Variants in NTRK3 observed in about 807,000 individuals in gnomAD.
The protein encoded by NTRK3 is NT-3 growth factor receptor.
A neutral mutation model predicts 91.7 loss-of-function variants in NTRK3; 24 were observed. The observed-to-expected ratio is 0.26, with a 90% CI of 0.19 to 0.37. The LOEUF is 0.37. Ranked by LOEUF, NTRK3 falls within the 10% of genes least tolerant of loss-of-function variation. The probability of loss-of-function intolerance (pLI) is 1.00; values close to 1 mark genes in which losing one functional copy is unlikely to be tolerated. For missense variants in NTRK3, 880 were observed against 1,068.9 expected (o/e 0.82, Z 2.46); for synonymous variants, 483 against 404.0 (o/e 1.20, Z -2.34).
intron 10 of NTRK3, among the ~76,000 whole-genome samples, chr15:88,134,579 T>C (rs2041692533): frequency 6.6e-6 from 1 of 152,182 alleles, no homozygotes; most frequent in African/African-American, 2.4e-5. Context: ...GATCAGGTCA[T>C]TCATCCGTTA....
chr15:88,126,395 G>A lies in NTRK3; in HGVS notation c.1294-22C>T, dbSNP rs768674517. ...ATACCTGTGAGGAACCAGAAACAGA[G>A]AGTCAGCAACAATCACAGAAAACCC... On this transcript the variant is annotated intron_variant, in intron 12 of 18. Coordinates refer to ENST00000394480, the Ensembl canonical transcript of NTRK3. The A allele has an allele frequency of 1.5e-5, 24 of 1,549,066 alleles. No individual in the cohort carries two copies. The South Asian group carries it at 2.5e-4, about 16-fold the overall frequency.
chr15:88,091,408 A>G (rs2049002063), intron 13 of NTRK3, among the ~76,000 whole-genome samples: 1 of 152,192 alleles, frequency 6.6e-6, no homozygotes, highest in Non-Finnish European at 1.5e-5. Context: ...TACAAAACTC[A>G]TACTACTTTT....
chr15:88,212,011 C>A (rs1489150986), intron 3 of NTRK3, among the ~76,000 whole-genome samples: 1 of 152,066 alleles, frequency 6.6e-6, no homozygotes, highest in African/African-American at 2.4e-5. Flanking sequence ...TTTCTAAATA[C>A]CCAATTTATT....
intron 17 of NTRK3, among the ~76,000 whole-genome samples, chr15:87,902,900 C>T (rs979545457): frequency 1.9e-4 from 29 of 152,130 alleles, no homozygotes; most frequent in African/African-American, 6.5e-4. Flanking sequence ...CCTCTCACCC[C>T]GACTCCCCCT....
rs1215785321 is a variant in NTRK3 at position 88,237,077 on chromosome 15, T to C, written c.248+18829A>G. ...TTTATGACATACATGCTGAAGTATG[T>C]AGAGGGAGCATGCCAACATCTAAAA... On this transcript the variant is annotated intron_variant, in intron 3 of 18. Coordinates refer to ENST00000394480, the Ensembl canonical transcript of NTRK3. This position sits in a 1 kb window ranked among gnomAD's most constrained non-coding sequence, Gnocchi z 4.0. 6.6e-6 allele frequency among the ~76,000 whole-genome samples: 1 copy of C among 152,096 alleles called. No homozygotes were observed. Among genetic ancestry groups the C allele is most frequent in the Non-Finnish European group, 1.5e-5 (1 of 68,016 alleles).
exon 19 of NTRK3, chr15:87,861,286 T>C (rs2141370120): frequency 4.6e-6 from 1 of 218,130 alleles, no homozygotes; most frequent in East Asian, 6.7e-5. Context: ...GCAAAATTCC[T>C]CTCAGGGAAC....
rs770111564 is a variant in NTRK3, at chr15:88,233,623, C to G, written c.248+22283G>C. On this transcript the variant is annotated intron_variant, in intron 3 of 18. Transcript: ENST00000394480. The surrounding 1 kb of genome is among the most constrained non-coding windows in gnomAD (Gnocchi z 4.2). ...GTCCTGAAACTCCAAAACTCTCTTCCTTCCACAAAAACCAAATGCAGGGTC... is the reference window on the plus strand; with the variant it reads ...GTCCTGAAACTCCAAAACTCTCTTCGTTCCACAAAAACCAAATGCAGGGTC... Among the ~76,000 whole-genome samples the G allele has an allele frequency of 6.6e-6, 1 of 152,156 alleles. No individual in the cohort carries two copies. Among genetic ancestry groups the G allele is most frequent in the Non-Finnish European group, 1.5e-5 (1 of 68,020 alleles).
intron 10 of NTRK3, among the ~76,000 whole-genome samples, chr15:88,130,124 CTGT>C (rs2151143797): frequency 6.6e-6 from 1 of 152,332 alleles, no homozygotes; most frequent in African/African-American, 2.4e-5. Context: ...AAATAAATTT[CTGT>C]TGTTTAAGCC....
chr15:88,096,736 G>A (rs971551893), intron 13 of NTRK3, among the ~76,000 whole-genome samples: 1 of 152,194 alleles, frequency 6.6e-6, no homozygotes, highest in African/African-American at 2.4e-5. Flanking sequence ...GCAACTTTGA[G>A]GCAGGTGCCA....
rs118094965 is a variant in NTRK3 at position 88,234,103 on chromosome 15, C to G, written c.248+21803G>C. Among the ~76,000 whole-genome samples, 1 of 152,130 alleles carries G rather than the reference C, an allele frequency of 6.6e-6. No homozygotes were observed. Among genetic ancestry groups the G allele is most frequent in the Non-Finnish European group, 1.5e-5 (1 of 68,026 alleles). ...CATGGCAAAGGAGGTCCACAGTCAC[C>G]GTCCTGTGCCAGGCCAGCCTGCCAG... On this transcript the variant is annotated intron_variant, in intron 3 of 18. Coordinates refer to ENST00000394480, the Ensembl canonical transcript of NTRK3. The surrounding 1 kb of genome is among the most constrained non-coding windows in gnomAD (Gnocchi z 6.1).
At chr15:87,950,742 T>G (rs1215809317) in intron 14 of NTRK3, among the ~76,000 whole-genome samples, 1 of 152,208 alleles carries the variant, frequency 6.6e-6, no homozygotes, top group African/African-American at 2.4e-5. Flanking sequence ...TCGAAGGAGC[T>G]AATGCCCATA....
chr15:88,211,823 T>C (rs2049271577), intron 3 of NTRK3, among the ~76,000 whole-genome samples: 1 of 152,226 alleles, frequency 6.6e-6, no homozygotes, highest in Non-Finnish European at 1.5e-5. Context: ...TAAAAGATTG[T>C]GTGTGACATT....
intron 3 of NTRK3, among the ~76,000 whole-genome samples, chr15:88,246,027 C>A (rs549064820): frequency 9.2e-5 from 14 of 152,342 alleles, no homozygotes; most frequent in African/African-American, 7.2e-5. Flanking sequence ...AGCCCCAGGT[C>A]AGGAAGCTGG....
chr15:87,916,485 T>C, intron 17 of NTRK3: 1 of 701,862 alleles, frequency 1.4e-6, no homozygotes, highest in Non-Finnish European at 2.6e-6. Context: ...TAAGCATGCT[T>C]CAACGTCTCA....
chr15:87,872,833 G>A (rs1338222160), exon 19 of NTRK3: 1 of 232,648 alleles, frequency 4.3e-6, no homozygotes, highest in African/African-American at 2.2e-5. Context: ...TATATCAGGT[G>A]GGACCAGAAC....
At chr15:88,158,667 A>T (rs1419508152) in intron 5 of NTRK3, among the ~76,000 whole-genome samples, 1 of 152,216 alleles carries the variant, frequency 6.6e-6, no homozygotes, top group Non-Finnish European at 1.5e-5. Flanking sequence ...GTTTCTTTTC[A>T]GATAAATTAA....
chr15:88,014,626 G>C (rs2077102423), intron 14 of NTRK3, among the ~76,000 whole-genome samples: 1 of 152,178 alleles, frequency 6.6e-6, no homozygotes, highest in African/African-American at 2.4e-5. Context: ...ACTAACTGGT[G>C]ATAAAACCAA....
chr15:88,247,707 G>A (rs2052974968), intron 3 of NTRK3, among the ~76,000 whole-genome samples: 1 of 152,162 alleles, frequency 6.6e-6, no homozygotes, highest in African/African-American at 2.4e-5. Context: ...CAGCCAAGAA[G>A]CAGCAAACGT....
chr15:88,138,783 T>G (rs979443558), intron 6 of NTRK3, among the ~76,000 whole-genome samples: 3 of 152,218 alleles, frequency 2.0e-5, no homozygotes, highest in Non-Finnish European at 4.4e-5. Flanking sequence ...TAAATATTTA[T>G]TTTTAATTAG....
Sources: allele counts gnomAD v4.1 joint callset (sites outside exome capture counted in the v4.1 genomes callset), GRCh38; gene constraint gnomAD v4.1.1; non-coding constraint Gnocchi (gnomAD v3.1); transcripts MANE v1.5; gene names NCBI Gene and HGNC (gene_info 2026-07-23, HGNC 2026-07-21).